Variants in GRM1 observed in about 807,000 individuals in gnomAD.
The protein encoded by GRM1 is metabotropic glutamate receptor 1.
GRM1 carries 33 observed loss-of-function variants against 90.9 expected under a neutral mutation model. The observed-to-expected ratio is 0.36, with a 90% CI of 0.28 to 0.49. GRM1 has a LOEUF of 0.49. Ranked by LOEUF, GRM1 falls within the 20% of genes least tolerant of loss-of-function variation. GRM1 has a pLI of 0.99. For synonymous variants in GRM1, 700 were observed against 613.2 expected (o/e 1.14, Z -2.09); for missense variants, 1,190 against 1,534.3 (o/e 0.78, Z 3.75).
intron 6 of GRM1, among the ~76,000 whole-genome samples, chr6:146,390,462 T>C (rs1004490263): frequency 3.3e-5 from 5 of 152,056 alleles, no homozygotes; most frequent in African/African-American, 1.2e-4. Context: ...TACCATGATA[T>C]ACAGCTTGAC....
At chr6:146,264,461 A>T (rs1308461402) in intron 2 of GRM1, among the ~76,000 whole-genome samples, 1 of 152,096 alleles carries the variant, frequency 6.6e-6, no homozygotes, top group East Asian at 1.9e-4. Flanking sequence ...TTTAATCAAA[A>T]TGAATTTAAA....
At chr6:146,131,287 A>G (rs1776388432) in intron 1 of GRM1, among the ~76,000 whole-genome samples, 1 of 151,758 alleles carries the variant, frequency 6.6e-6, no homozygotes, top group Non-Finnish European at 1.5e-5. Flanking sequence ...CATTTGCTTT[A>G]TTTCCCGTTT....
intron 2 of GRM1, among the ~76,000 whole-genome samples, chr6:146,273,345 G>T (rs1423291909): frequency 6.6e-6 from 1 of 152,106 alleles, no homozygotes; most frequent in Non-Finnish European, 1.5e-5. Flanking sequence ...GGAAAGACAT[G>T]CCCCAGCGGA....
At chr6:146,266,404 AT>A (rs1051960934) in intron 2 of GRM1, among the ~76,000 whole-genome samples, 2 of 151,824 alleles carry the variant, frequency 1.3e-5, no homozygotes, top group African/African-American at 4.8e-5. Context: ...TCTTCTATTC[AT>A]TTTTTTCCTT....
chr6:146,172,684 C>T, intron 2 of GRM1, among the ~76,000 whole-genome samples: 1 of 152,114 alleles, frequency 6.6e-6, no homozygotes. Context: ...CACAGTGATA[C>T]TCAATGTGGG....
At chr6:146,079,371 T>G (rs767828599) in intron 1 of GRM1, among the ~76,000 whole-genome samples, 1 of 152,100 alleles carries the variant, frequency 6.6e-6, no homozygotes, top group South Asian at 2.1e-4. Context: ...CCATCTCCAT[T>G]GAGTGCAAGA....
rs551677102 is a variant in GRM1, at chr6:146,049,880, A to G, written c.700+19663A>G. Among the ~76,000 whole-genome samples the G allele has an allele frequency of 3.9e-5, 6 of 152,050 alleles. No individual in the cohort carries two copies. In the East Asian group the frequency reaches 9.7e-4, roughly 25 times the overall value. On this transcript the variant is annotated intron_variant, in intron 1 of 7. Coordinates refer to ENST00000282753, the MANE Select transcript of GRM1 (RefSeq NM_001278064.2). ...TCGATAACCCTAGAAGGTAGGTACT[A>G]TTATTATTCTTGGAAGTTTAAAAAT...
At chr6:146,294,386 G>C (rs1201126906) in intron 2 of GRM1, among the ~76,000 whole-genome samples, 1 of 151,914 alleles carries the variant, frequency 6.6e-6, no homozygotes, top group Non-Finnish European at 1.5e-5. Context: ...GGAGGTAGAT[G>C]TGTTGGTTTT....
intron 2 of GRM1, among the ~76,000 whole-genome samples, chr6:146,161,799 A>G (rs904582993): frequency 6.6e-6 from 1 of 152,192 alleles, no homozygotes; most frequent in Admixed American, 6.5e-5. Context: ...GAGAATTTTA[A>G]TGAAAGCAGC....
At chr6:146,263,723 GA>G (rs1220861343) in intron 2 of GRM1, among the ~76,000 whole-genome samples, 5 of 151,928 alleles carry the variant, frequency 3.3e-5, no homozygotes. Context: ...TGTTTTAGGA[GA>G]AAAATAACAG....
chr6:146,152,940 A>G lies in GRM1; in HGVS notation c.701-6408A>G, dbSNP rs187693421. ...TCTTTCAGAGCTACAGATACTAGAC[A>G]CAGAGAATTATCTAGATAAATTCTT... On this transcript the variant is annotated intron_variant, in intron 1 of 7. Coordinates refer to ENST00000282753, the MANE Select transcript of GRM1 (RefSeq NM_001278064.2). Among the ~76,000 whole-genome samples, 417 of 152,300 alleles carry G rather than the reference A, an allele frequency of 2.7e-3. 3 individuals carry two copies. The highest frequency in any genetic ancestry group is 9.2e-3 in the African/African-American group (384 of 41,550).
rs115032806 is a variant in GRM1 at position 146,346,198 on chromosome 6, A to G, written c.1187-6052A>G. ...CAAGATCTACCATACCTTATTGTCA[A>G]TTTGCAAAGAGCCTGCTGTTTATGT... On this transcript the variant is annotated intron_variant, in intron 3 of 7. Transcript: ENST00000282753. Among the ~76,000 whole-genome samples the G allele has an allele frequency of 3.9e-3, 591 of 152,318 alleles. 7 individuals carry two copies. The highest frequency in any genetic ancestry group is 0.014 in the African/African-American group (566 of 41,572).
chr6:146,265,480 G>T (rs527746447), intron 2 of GRM1, among the ~76,000 whole-genome samples: 1 of 152,130 alleles, frequency 6.6e-6, no homozygotes, highest in East Asian at 1.9e-4. Context: ...TCTGTAGGTT[G>T]TCTTCTTATT....
chr6:146,163,636 T>C (rs1384908368), intron 2 of GRM1, among the ~76,000 whole-genome samples: 1 of 152,198 alleles, frequency 6.6e-6, no homozygotes, highest in Non-Finnish European at 1.5e-5. Context: ...AAACATGAGA[T>C]AAGAGTTCTA....
intron 1 of GRM1, among the ~76,000 whole-genome samples, chr6:146,108,382 T>A (rs1351389085): frequency 6.6e-6 from 1 of 152,186 alleles, no homozygotes; most frequent in East Asian, 1.9e-4. Context: ...CATGTTGTTC[T>A]CATGATAGTG....
intron 3 of GRM1, among the ~76,000 whole-genome samples, chr6:146,338,508 T>G (rs362857): frequency 0.02 from 2,989 of 152,336 alleles, 42 homozygotes; most frequent in Non-Finnish European, 0.031. Flanking sequence ...GTCTATGGCT[T>G]AGAGTAGGAC....
At chr6:146,252,410 G>A (rs1452507945) in intron 2 of GRM1, among the ~76,000 whole-genome samples, 1 of 152,120 alleles carries the variant, frequency 6.6e-6, no homozygotes, top group East Asian at 1.9e-4. Flanking sequence ...GGTCAAGGCG[G>A]GTGGATCAAT....
intron 5 of GRM1, among the ~76,000 whole-genome samples, chr6:146,383,921 G>A (rs1030579395): frequency 6.6e-6 from 1 of 152,070 alleles, no homozygotes; most frequent in African/African-American, 2.4e-5. Flanking sequence ...CAAAACAACT[G>A]TGTTCAGACA....
intron 3 of GRM1, among the ~76,000 whole-genome samples, chr6:146,327,265 G>T (rs1348081617): frequency 6.6e-6 from 1 of 152,118 alleles, no homozygotes; most frequent in Admixed American, 6.6e-5. Context: ...AATATGGAAA[G>T]TTTGTATAAT....
Sources: allele counts gnomAD v4.1 joint callset (sites outside exome capture counted in the v4.1 genomes callset), GRCh38; gene constraint gnomAD v4.1.1; transcripts MANE v1.5; gene names NCBI Gene and HGNC (gene_info 2026-07-23, HGNC 2026-07-21).